Variants in PRKD2 observed in about 807,000 individuals in gnomAD.
The protein encoded by PRKD2 is protein kinase D2, also known as serine/threonine-protein kinase D2.
PRKD2 carries 22 observed loss-of-function variants against 86.0 expected under a neutral mutation model. The ratio of observed to expected loss-of-function variants is 0.26; its 90% CI spans 0.18 to 0.37. The LOEUF is 0.37. Ranked by LOEUF, PRKD2 falls within the 10% of genes least tolerant of loss-of-function variation. PRKD2 has a pLI of 1.00. For missense variants in PRKD2, 818 were observed against 1,199.2 expected (o/e 0.68, Z 4.70); for synonymous variants, 509 against 510.9 (o/e 1.00, Z 0.05).
intron 9 of PRKD2, among the ~76,000 whole-genome samples, chr19:46,694,729 A>G (rs1353380137): frequency 6.6e-6 from 1 of 152,192 alleles, no homozygotes; most frequent in Non-Finnish European, 1.5e-5. Flanking sequence ...TATGCTCAAA[A>G]GCCAAGCTGT....
chr19:46,680,450 A>G (rs2122566968), intron 15 of PRKD2, among the ~76,000 whole-genome samples: 1 of 151,750 alleles, frequency 6.6e-6, no homozygotes, highest in South Asian at 2.1e-4. Flanking sequence ...CACCATGCCC[A>G]GCTAATTTTT....
In PRKD2 at chr19:46,704,500, C is replaced by T. The variant is rs2053683381; in HGVS notation, c.661G>A (p.Glu221Lys). ...CCCATCCCCCATCTCCTCACCAGCT[C>T]TTCAGCCGTGCAGGGCAGGGACTCG... ...TSESLPCTAE[E>K]LSRSTTELLP... Residue 221 changes from glutamate (E) to lysine (K), a missense_variant, in exon 4 of 18, where the codon GAG becomes AAG. Around this residue, in one of 5 missense-constraint regions of PRKD2, gnomAD observed 403 missense variants for 518.6 expected, o/e 0.78. Transcript: ENST00000291281. The T allele has an allele frequency of 6.2e-7, 1 of 1,614,170 alleles. No individual in the cohort carries two copies. The highest frequency in any genetic ancestry group is 8.5e-7 in the Non-Finnish European group (1 of 1,180,030).
rs1399263396 is a variant in PRKD2, at chr19:46,704,660, C to A, written c.512-11G>T. ...AGTTCAGCCCGCAGCCTGCAGGGGGCGCCAGAGAGTAAGAGACATGGCGTC... is the reference window on the plus strand; with the variant it reads ...AGTTCAGCCCGCAGCCTGCAGGGGGAGCCAGAGAGTAAGAGACATGGCGTC... On this transcript the variant is annotated splice_polypyrimidine_tract_variant and intron_variant, in intron 3 of 17. Coordinates refer to ENST00000291281, the MANE Select transcript of PRKD2 (RefSeq NM_016457.5). The A allele has an allele frequency of 1.3e-6, 2 of 1,593,706 alleles. No homozygotes were observed. The highest frequency in any genetic ancestry group is 2.3e-5 in the South Asian group (2 of 88,376).
At chr19:46,710,769 A>G (rs1388062596) in intron 3 of PRKD2, 138 bp downstream of exon 3, 2 of 995,912 alleles carry the variant, frequency 2.0e-6, no homozygotes, top group Non-Finnish European at 2.8e-6. Flanking sequence ...CCTTCTTCCC[A>G]TTATTACTTC....
At chr19:46,691,493 CCAAT>C (rs1047175463) in intron 12 of PRKD2, among the ~76,000 whole-genome samples, 10 of 152,150 alleles carry the variant, frequency 6.6e-5, no homozygotes, top group Admixed American at 1.3e-4. Flanking sequence ...ACCTCTGTGA[CCAAT>C]CAGAGTGCCG....
chr19:46,711,157 C>G, intron 2 of PRKD2, 119 bp from the exon 3 acceptor site: 1 of 1,361,338 alleles, frequency 7.3e-7, no homozygotes, highest in East Asian at 2.5e-5. Flanking sequence ...TTCCTTCCTT[C>G]CTTCATTTGC....
chr19:46,675,835 T>A (rs1319022954), intron 16 of PRKD2, among the ~76,000 whole-genome samples: 1 of 151,814 alleles, frequency 6.6e-6, no homozygotes, highest in South Asian at 2.1e-4. Flanking sequence ...GCGTGATCAA[T>A]GCTCACTGAA....
Position 46,689,665 on chromosome 19 carries a change from A to G in PRKD2, c.1843T>C (p.Cys615Arg). ...LRHPGIVNLECMFETPEKVFV... is the reference protein window; with the variant it reads ...LRHPGIVNLERMFETPEKVFV... The stretch of plus-strand genomic sequence containing the variant: ...ACTTTCTCAGGCGTCTCGAACATGC[A>G]CTCCAGGTTCACGATCCCGGGATGC... Residue 615 changes from cysteine (C) to arginine (R), a missense_variant, in exon 14 of 18, where the codon TGC (cysteine) becomes CGC (arginine). By Grantham distance (180) the Cys-to-Arg change is radical (BLOSUM62 -3). Transcript: ENST00000291281. The G allele has an allele frequency of 6.2e-7, 1 of 1,614,016 alleles. No homozygotes were observed. Among genetic ancestry groups the G allele is most frequent in the East Asian group, 2.2e-5 (1 of 44,858 alleles).
intron 7 of PRKD2, among the ~76,000 whole-genome samples, chr19:46,699,916 C>CT (rs1213588765): frequency 5.6e-5 from 5 of 89,932 alleles, no homozygotes; most frequent in African/African-American, 2.2e-4. Context: ...GACCCCCTAT[C>CT]TTAAAAAAAA....
intron 3 of PRKD2, among the ~76,000 whole-genome samples, chr19:46,707,403 C>T (rs1343102200): frequency 6.6e-6 from 1 of 151,918 alleles, no homozygotes; most frequent in African/African-American, 2.4e-5. Flanking sequence ...ACCAGCCTGG[C>T]CAACATGGTG....
intron 14 of PRKD2, among the ~76,000 whole-genome samples, chr19:46,687,333 A>G (rs934162518): frequency 1.8e-4 from 28 of 152,196 alleles, no homozygotes; most frequent in Admixed American, 5.2e-4. Context: ...TCAAGGCTGC[A>G]GTGAGCCATG....
intron 13 of PRKD2, among the ~76,000 whole-genome samples, chr19:46,689,926 G>T (rs1031447230): frequency 2.0e-5 from 3 of 152,090 alleles, no homozygotes; most frequent in Non-Finnish European, 2.9e-5. Context: ...TAAATATAGA[G>T]ATGGGGTTTC....
At chr19:46,675,662 C>G (rs2053189349) in intron 16 of PRKD2, among the ~76,000 whole-genome samples, 1 of 152,208 alleles carries the variant, frequency 6.6e-6, no homozygotes, top group African/African-American at 2.4e-5. Context: ...CCAGGCTGGT[C>G]TCTAACTCCT....
At chr19:46,691,246 T>C (rs1473278721) in intron 12 of PRKD2, among the ~76,000 whole-genome samples, 1 of 151,938 alleles carries the variant, frequency 6.6e-6, no homozygotes, top group Non-Finnish European at 1.5e-5. Flanking sequence ...CCAATCAGAA[T>C]CTAGGATCTA....
chr19:46,701,575 G>A (rs1263329608), intron 5 of PRKD2, among the ~76,000 whole-genome samples: 3 of 151,662 alleles, frequency 2.0e-5, no homozygotes, highest in African/African-American at 7.3e-5. Flanking sequence ...CTGGTTTCGC[G>A]CTCCTGACCT....
At chr19:46,706,892 CTTTTTT>C (rs574385292) in intron 3 of PRKD2, among the ~76,000 whole-genome samples, 1 of 134,212 alleles carries the variant, frequency 7.5e-6, no homozygotes, top group African/African-American at 2.8e-5. Flanking sequence ...AACTGGATTT[CTTTTTT>C]TTTTTTTTTT....
chr19:46,703,994 A>ACACACACACACACACAC (rs2053674145), intron 5 of PRKD2, among the ~76,000 whole-genome samples, 175 bp downstream of exon 5: 1 of 51,368 alleles, frequency 1.9e-5, no homozygotes, highest in African/African-American at 7.8e-5. Context: ...CACACACACA[A>ACACACACACACACACAC]CTGAGGTTCT....
rs769274317 is a variant in PRKD2 at position 46,700,847 on chromosome 19, G to A, written c.1073C>T (p.Ala358Val). Residue 358 changes from alanine to valine, a missense_variant, in exon 7 of 18, where the codon GCG becomes GTG. Ala to Val is a moderately conservative substitution (Grantham distance 64). This residue lies in a region of PRKD2 where 403 missense variants were observed against 518.6 expected (regional missense o/e 0.78). Coordinates refer to ENST00000291281, the MANE Select transcript of PRKD2 (RefSeq NM_016457.5). ...TTCCTCCTCCTCACTGGCGTGGAGCGCATTCTCTGAGTGGGAGCCAGGGAT... is the reference window on the plus strand; with the variant it reads ...TTCCTCCTCCTCACTGGCGTGGAGCACATTCTCTGAGTGGGAGCCAGGGAT... ...GVIPGSHSEN[A>V]LHASEEEEGE... The A allele has an allele frequency of 1.1e-5, 17 of 1,614,092 alleles. No homozygotes were observed. The highest frequency in any genetic ancestry group is 1.3e-5 in the African/African-American group (1 of 74,942).
intron 3 of PRKD2, among the ~76,000 whole-genome samples, chr19:46,708,978 T>C (rs1030035198): frequency 2.2e-3 from 218 of 96,968 alleles, no homozygotes; most frequent in African/African-American, 7.3e-3. Flanking sequence ...TGTGGTTTTT[T>C]TTTTTTTTTT....
Sources: gnomAD v4.1 joint callset for allele counts (sites outside exome capture counted in the v4.1 genomes callset) on GRCh38, gnomAD v4.1.1 for gene constraint, gnomAD v4.1.1 regional missense constraint, MANE v1.5 for transcripts, NCBI Gene and HGNC (gene_info 2026-07-23, HGNC 2026-07-21) for gene names.